STAT1: variants seen among roughly 807,000 people sequenced by gnomAD.
STAT1 encodes signal transducer and activator of transcription 1-alpha/beta.
Under a neutral mutation model 111.7 loss-of-function variants are expected in STAT1, and 24 were observed. That is an observed-to-expected ratio of 0.21 (90% confidence interval 0.16 to 0.30). The LOEUF (loss-of-function observed/expected upper bound fraction) is 0.30. STAT1 is among the 10% of genes least tolerant of loss of function. The pLI is 1.00. For missense variants in STAT1, 351 were observed against 911.9 expected, an observed-to-expected ratio of 0.38 and a Z score of 7.92; for synonymous variants, 332 against 326.5, an observed-to-expected ratio of 1.02 and a Z score of -0.18.
At position 190,987,101 on chromosome 2, in the gene STAT1, T is replaced by C. The variant is rs1221682445; in HGVS notation, c.1098-33A>G. ...AAAAATATATATAATCACATATGCG[T>C]ATTTAAAATTTGAAATAAGCTTTAA... On this transcript the variant is annotated intron_variant, in intron 12 of 24. Coordinates refer to ENST00000361099, the MANE Select transcript of STAT1 (RefSeq NM_007315.4). This position sits in a 1 kb window ranked among gnomAD's most constrained non-coding sequence, Gnocchi z 4.0. 3 of 1,526,004 alleles carry C rather than the reference T, an allele frequency of 2.0e-6. No homozygotes were observed. The highest frequency in any genetic ancestry group is 1.4e-5 in the African/African-American group (1 of 72,826). 94.5% of individuals were successfully genotyped at this position (1,526,004 alleles called of 1,614,324 possible).
intron 2 of STAT1, among the ~76,000 whole-genome samples, chr2:191,010,935 G>A (rs1162591199): frequency 6.6e-6 from 1 of 152,214 alleles, no homozygotes; most frequent in African/African-American, 2.4e-5. Context: ...AGTCTCCCAT[G>A]ACCATCATGT....
Position 190,984,178 on chromosome 2 carries a change from A to G in STAT1, c.1347+132T>C, listed in dbSNP as rs1212436588. 16 of 764,402 alleles carry G rather than the reference A, an allele frequency of 2.1e-5. No individual in the cohort carries two copies. In the Admixed American group the frequency reaches 3.6e-4, roughly 17 times the overall value. The allele number at this position is 764,402 out of a possible 1,614,324, so 47.4% of individuals were successfully genotyped here. A position where few individuals can be genotyped will look rare whatever the true frequency, so the allele number is the denominator to read the frequency against. On this transcript the variant is annotated intron_variant, in intron 16 of 24. Transcript: ENST00000361099. The surrounding 1 kb of genome is among the most constrained non-coding windows in gnomAD (Gnocchi z 5.2). ...GACCATAAATTAAGGTTAAGATAGT[A>G]TTAGCTGAAAAAGATCATTTTAAAA...
In STAT1 at chr2:190,996,396, C is replaced by A. The variant is rs1366307007; in HGVS notation, c.786-1177G>T. Among the ~76,000 whole-genome samples, 1 of 152,224 alleles carries A rather than the reference C, an allele frequency of 6.6e-6. No homozygotes were observed. Among genetic ancestry groups the A allele is most frequent in the African/African-American group, 2.4e-5 (1 of 41,454 alleles). On this transcript the variant is annotated intron_variant, in intron 9 of 24. Coordinates refer to ENST00000361099, the MANE Select transcript of STAT1 (RefSeq NM_007315.4). This position sits in a 1 kb window ranked among gnomAD's most constrained non-coding sequence, Gnocchi z 4.5. ...AGCCCTTCGTCAGGAAAGGAGAAGG[C>A]AGGATAACGGCTGGCTGAGTTCCAG... is the stretch of plus-strand genomic sequence containing the variant.
chr2:190,979,673 C>G lies in STAT1; in HGVS notation c.1727+99G>C. On this transcript the variant is annotated intron_variant, in intron 20 of 24. Coordinates refer to ENST00000361099, the MANE Select transcript of STAT1 (RefSeq NM_007315.4). This position sits in a 1 kb window ranked among gnomAD's most constrained non-coding sequence, Gnocchi z 5.8. ...TATAAATGCGCACTCCTGTGAGATTCACACACGCCTAGTCAAATACTGAAG... is the reference window on the plus strand; with the variant it reads ...TATAAATGCGCACTCCTGTGAGATTGACACACGCCTAGTCAAATACTGAAG... The G allele has an allele frequency of 1.1e-6, 1 of 950,414 alleles. No homozygotes were observed. Among genetic ancestry groups the G allele is most frequent in the Non-Finnish European group, 1.7e-6 (1 of 588,996 alleles). The allele number at this position is 950,414 out of a possible 1,614,324, so 58.9% of individuals were successfully genotyped here.
chr2:190,994,970 T>C, intron 10 of STAT1, 91 bp downstream of exon 10: 1 of 826,978 alleles, frequency 1.2e-6, no homozygotes, highest in Non-Finnish European at 1.9e-6. Flanking sequence ...AAAACACCTA[T>C]TAAACCCTTG....
chr2:191,013,767 A>C, intron 1 of STAT1, 89 bp from the exon 2 acceptor site: 1 of 398,384 alleles, frequency 2.5e-6, no homozygotes, highest in Non-Finnish European at 4.4e-6. Context: ...CTTCTAGAGG[A>C]AAATTATATT....
At chr2:190,972,078 G>A (rs947773075) in intron 24 of STAT1, among the ~76,000 whole-genome samples, 1 of 152,106 alleles carries the variant, frequency 6.6e-6, no homozygotes, top group Non-Finnish European at 1.5e-5. Context: ...GAGGGAGGGG[G>A]AGATAGATAG....
At position 190,969,366 on chromosome 2, in the gene STAT1, T is replaced by G. The variant is rs1200665369; in HGVS notation, c.*1337A>C. On this transcript the variant is annotated 3_prime_UTR_variant, in exon 25 of 25. Coordinates refer to ENST00000361099, the MANE Select transcript of STAT1 (RefSeq NM_007315.4). ...AAACAAAACTCAAGAAATCTTTATC[T>G]CCACCAAAGAAGAATACAGCATTTG... The G allele has an allele frequency of 2.6e-5, 4 of 152,138 alleles. No individual in the cohort carries two copies. Among genetic ancestry groups the G allele is most frequent in the Non-Finnish European group, 5.9e-5 (4 of 68,002 alleles). The allele number at this position is 152,138 out of a possible 1,614,324, so 9.4% of individuals were successfully genotyped here.
In STAT1 at chr2:190,997,827, T is replaced by C. The variant is rs1367160163; in HGVS notation, c.785+29A>G. 6.2e-7 allele frequency: 1 copy of C among 1,614,012 alleles called. No homozygotes were observed. The highest frequency in any genetic ancestry group is 8.5e-7 in the Non-Finnish European group (1 of 1,180,020). ...GTGTTTATGTGGTTAGCCAGTCAGC[T>C]GCCAGTTTTCTGCTTTGGAGAATCT... On this transcript the variant is annotated intron_variant, in intron 9 of 24. Transcript: ENST00000361099. This position sits in a 1 kb window ranked among gnomAD's most constrained non-coding sequence, Gnocchi z 7.3.
chr2:190,970,541 T>C lies in STAT1; in HGVS notation c.*162A>G, dbSNP rs1421648128. On this transcript the variant is annotated 3_prime_UTR_variant, in exon 25 of 25. Transcript: ENST00000361099. The surrounding 1 kb of genome is among the most constrained non-coding windows in gnomAD (Gnocchi z 5.4). ...TGCCCTTCAGAGTAACTGATGTTTC[T>C]GAGTTAGAGAAAAATTCACTTGCTA... 9.2e-6 allele frequency: 7 copies of C among 759,188 alleles called. No individual in the cohort carries two copies. Among genetic ancestry groups the C allele is most frequent in the African/African-American group, 6.9e-5 (4 of 57,894 alleles). 47.0% of individuals were successfully genotyped at this position (759,188 alleles called of 1,614,324 possible).
In STAT1 at chr2:190,973,069, A is replaced by T. The variant is rs1163030549; in HGVS notation, c.2238+1761T>A. Among the ~76,000 whole-genome samples, 1 of 152,124 alleles carries T rather than the reference A, an allele frequency of 6.6e-6. No homozygotes were observed. The highest frequency in any genetic ancestry group is 1.5e-5 in the Non-Finnish European group (1 of 68,022). The stretch of plus-strand genomic sequence containing the variant: ...AACCAATCCATCTATTTTCTCAATA[A>T]TGGTGATGACAGAGATGGAATGCTG... On this transcript the variant is annotated intron_variant, in intron 24 of 24. Coordinates refer to ENST00000361099, the MANE Select transcript of STAT1 (RefSeq NM_007315.4). The surrounding 1 kb of genome is among the most constrained non-coding windows in gnomAD (Gnocchi z 4.4).
chr2:190,991,768 G>C (rs1287425072), intron 10 of STAT1, among the ~76,000 whole-genome samples: 1 of 151,862 alleles, frequency 6.6e-6, no homozygotes, highest in Non-Finnish European at 1.5e-5. Flanking sequence ...GAAGTGGGAA[G>C]ATCACTTGAG....
rs1284341837 is a variant in STAT1, at chr2:190,996,815, C to T, written c.785+1041G>A. Among the ~76,000 whole-genome samples, 2 of 152,196 alleles carry T rather than the reference C, an allele frequency of 1.3e-5. No homozygotes were observed. Among genetic ancestry groups the T allele is most frequent in the African/African-American group, 4.8e-5 (2 of 41,430 alleles). The stretch of plus-strand genomic sequence containing the variant: ...CCCAGGCCACCTTCCCTCATGTTCA[C>T]TCTGTGATTCCAAGTTCAGCTCCTG... On this transcript the variant is annotated intron_variant, in intron 9 of 24. Coordinates refer to ENST00000361099, the MANE Select transcript of STAT1 (RefSeq NM_007315.4). The surrounding 1 kb of genome is among the most constrained non-coding windows in gnomAD (Gnocchi z 4.5).
At chr2:191,011,568 T>C (rs577655396) in intron 2 of STAT1, among the ~76,000 whole-genome samples, 66 of 151,934 alleles carry the variant, frequency 4.3e-4, no homozygotes, top group Non-Finnish European at 5.3e-4. Flanking sequence ...GCAAGTGATA[T>C]GGTTTGGCTC....
chr2:190,975,763 AAGGCTGGCTTG>A lies in STAT1; in HGVS notation c.2135+38_2135+48del. On this transcript the variant is annotated intron_variant, in intron 23 of 24. Coordinates refer to ENST00000361099, the MANE Select transcript of STAT1 (RefSeq NM_007315.4). The surrounding 1 kb of genome is among the most constrained non-coding windows in gnomAD (Gnocchi z 5.9). The stretch of plus-strand genomic sequence containing the variant: ...TCTTCAACAGGCCCCAGCCAGGAGC[AAGGCTGGCTTG>A]AGGTTTGTAAACATGTCACTCTTCT... 1 of 1,612,984 alleles carries A rather than the reference AAGGCTGGCTTG, an allele frequency of 6.2e-7. No individual in the cohort carries two copies. Among genetic ancestry groups the A allele is most frequent in the Non-Finnish European group, 8.5e-7 (1 of 1,179,436 alleles).
chr2:190,973,723 G>A lies in STAT1; in HGVS notation c.2238+1107C>T, dbSNP rs919696683. Among the ~76,000 whole-genome samples, 1 of 152,190 alleles carries A rather than the reference G, an allele frequency of 6.6e-6. No homozygotes were observed. The highest frequency in any genetic ancestry group is 1.9e-4 in the East Asian group (1 of 5,186). On this transcript the variant is annotated intron_variant, in intron 24 of 24. Coordinates refer to ENST00000361099, the MANE Select transcript of STAT1 (RefSeq NM_007315.4). This position sits in a 1 kb window ranked among gnomAD's most constrained non-coding sequence, Gnocchi z 4.4. ...TTGCCAATAGGAATGAAACTATTTC[G>A]CTGCCACAATAGCTAACTGTTTTTC... is the stretch of plus-strand genomic sequence containing the variant.
Position 190,982,350 on chromosome 2 carries a change from T to A in STAT1, c.1582+33A>T. 1 of 1,612,920 alleles carries A rather than the reference T, an allele frequency of 6.2e-7. No individual in the cohort carries two copies. On this transcript the variant is annotated intron_variant, in intron 18 of 24. Transcript: ENST00000361099. The surrounding 1 kb of genome is among the most constrained non-coding windows in gnomAD (Gnocchi z 7.3). ...GAGAGATATTTTTATGAATTTCAAT[T>A]TTTATAAACATAACAAGTTAATATG... is the stretch of plus-strand genomic sequence containing the variant.
chr2:190,983,865 G>C lies in STAT1; in HGVS notation c.1348-125C>G. ...TTGTACATATTTAATACTTGAAAAT[G>C]AGAAGTGTTAAGTTCTGTTCTTCTG... On this transcript the variant is annotated intron_variant, in intron 16 of 24. Coordinates refer to ENST00000361099, the MANE Select transcript of STAT1 (RefSeq NM_007315.4). This position sits in a 1 kb window ranked among gnomAD's most constrained non-coding sequence, Gnocchi z 5.7. The C allele has an allele frequency of 1.2e-6, 1 of 824,676 alleles. No individual in the cohort carries two copies. The highest frequency in any genetic ancestry group is 2.0e-6 in the Non-Finnish European group (1 of 491,470). The allele number at this position is 824,676 out of a possible 1,614,324, so 51.1% of individuals were successfully genotyped here.
At chr2:190,972,850 TGTGA>T (rs1691608126) in intron 24 of STAT1, among the ~76,000 whole-genome samples, 1 of 147,184 alleles carries the variant, frequency 6.8e-6, no homozygotes. Context: ...TGTGTGTGTG[TGTGA>T]AATGGATTTA....
Sources: gnomAD v4.1 joint callset for allele counts (sites outside exome capture counted in the v4.1 genomes callset) on GRCh38, gnomAD v4.1.1 for gene constraint, Gnocchi (gnomAD v3.1) non-coding constraint, MANE v1.5 for transcripts, NCBI Gene and HGNC (gene_info 2026-07-23, HGNC 2026-07-21) for gene names.